PRKAR1B: variants seen among roughly 807,000 people sequenced by gnomAD.
The protein encoded by PRKAR1B is cAMP-dependent protein kinase type I-beta regulatory subunit.
A neutral mutation model predicts 46.5 loss-of-function variants in PRKAR1B; 22 were observed. That is an observed-to-expected ratio of 0.47 (90% confidence interval 0.34 to 0.68). PRKAR1B has a LOEUF of 0.68. Ranked by LOEUF, PRKAR1B falls within the 30% of genes least tolerant of loss-of-function variation. The pLI is 0.01. For synonymous variants in PRKAR1B, 259 were observed against 217.7 expected, an observed-to-expected ratio of 1.19 and a Z score of -1.67; for missense variants, 445 against 535.6, an observed-to-expected ratio of 0.83 and a Z score of 1.67.
intron 4 of PRKAR1B, among the ~76,000 whole-genome samples, chr7:674,584 C>G (rs535846496): frequency 6.6e-6 from 1 of 152,132 alleles, no homozygotes; most frequent in Non-Finnish European, 1.5e-5. Flanking sequence ...CATCTAGCTA[C>G]TCCATCCATG....
chr7:573,624 C>A (rs1193184762), intron 9 of PRKAR1B, among the ~76,000 whole-genome samples: 3 of 152,240 alleles, frequency 2.0e-5, no homozygotes, highest in African/African-American at 7.2e-5. Context: ...CGAAAATCAG[C>A]CGTAACGGCC....
intron 9 of PRKAR1B, among the ~76,000 whole-genome samples, chr7:553,088 C>T (rs1436721861): frequency 1.3e-5 from 2 of 152,092 alleles, no homozygotes; most frequent in Admixed American, 6.5e-5. Flanking sequence ...GTGTGGAAAC[C>T]GCGGCCTGGC....
At chr7:604,956 C>CA (rs1182920991) in intron 6 of PRKAR1B, among the ~76,000 whole-genome samples, 2 of 152,104 alleles carry the variant, frequency 1.3e-5, no homozygotes, top group Non-Finnish European at 2.9e-5. Context: ...GCAGAATCCC[C>CA]AAAGCGTCCT....
At chr7:672,969 CG>C (rs891545458) in intron 4 of PRKAR1B, among the ~76,000 whole-genome samples, 1 of 143,618 alleles carries the variant, frequency 7.0e-6, no homozygotes, top group African/African-American at 2.6e-5. Flanking sequence ...CACTTGAGCA[CG>C]GAAGGCCGAG....
rs74733763 is a variant in PRKAR1B, at chr7:639,215, C to A, written c.441-31763G>T. On this transcript the variant is annotated intron_variant, in intron 4 of 10. Transcript: ENST00000537384. ...GATCTGAAAACCTACTACAAAACCA[C>A]TGTAATCAAGACGGTGGTGGTATTA... Among the ~76,000 whole-genome samples, 68 of 152,318 alleles carry A rather than the reference C, an allele frequency of 4.5e-4. 1 individual carries two copies. The highest frequency in any genetic ancestry group is 1.6e-3 in the African/African-American group (68 of 41,562).
At position 714,643 on chromosome 7, in the gene PRKAR1B, G is replaced by C. The variant is rs745408835; in HGVS notation, c.-22-3116C>G. ...ACTGGCTCTGGTAGGAGTGCGAGGC[G>C]TGGCCCCCACCGCCCCAACCTGCAG... is the stretch of plus-strand genomic sequence containing the variant. On this transcript the variant is annotated intron_variant, in intron 1 of 10. Coordinates refer to ENST00000537384, the MANE Select transcript of PRKAR1B (RefSeq NM_001164760.2). The surrounding 1 kb of genome is among the most constrained non-coding windows in gnomAD (Gnocchi z 4.3). 1.3e-5 allele frequency among the ~76,000 whole-genome samples: 2 copies of C among 152,176 alleles called. No individual in the cohort carries two copies. The highest frequency in any genetic ancestry group is 2.4e-5 in the African/African-American group (1 of 41,444).
rs543557905 is a variant in PRKAR1B, at chr7:714,940, C to T, written c.-22-3413G>A. The stretch of plus-strand genomic sequence containing the variant: ...GTGGTTCACACCTGTAATCCCAGCA[C>T]TTTGGGAGGCCGAGGCAGGTGGGTC... On this transcript the variant is annotated intron_variant, in intron 1 of 10. Transcript: ENST00000537384. The surrounding 1 kb of genome is among the most constrained non-coding windows in gnomAD (Gnocchi z 4.3). Among the ~76,000 whole-genome samples, 80 of 152,286 alleles carry T rather than the reference C, an allele frequency of 5.3e-4. No homozygotes were observed. Among genetic ancestry groups the T allele is most frequent in the African/African-American group, 1.9e-3 (79 of 41,562 alleles).
rs541775916 is a variant in PRKAR1B at position 711,676 on chromosome 7, G to T, written c.-22-149C>A. 5.1e-6 allele frequency: 4 copies of T among 780,962 alleles called. No individual in the cohort carries two copies. The African/African-American group carries it at 7.0e-5, about 14-fold the overall frequency. The allele number at this position is 780,962 out of a possible 1,614,324, so 48.4% of individuals were successfully genotyped here. ...TGTCAAAGATCTTTCATTCTGTGGG[G>T]CCAGGTGAGGTGTTAAACGTGACGG... On this transcript the variant is annotated intron_variant, in intron 1 of 10. Coordinates refer to ENST00000537384, the MANE Select transcript of PRKAR1B (RefSeq NM_001164760.2).
rs553436573 is a variant in PRKAR1B at position 602,374 on chromosome 7, C to T, written c.549+3819G>A. ...GGTCGAGGGGTGGGTGGGGATTCTG[C>T]GAGGATGAGGAGGAGGAGGAGGAGG... is the stretch of plus-strand genomic sequence containing the variant. On this transcript the variant is annotated intron_variant, in intron 6 of 10. Coordinates refer to ENST00000537384, the MANE Select transcript of PRKAR1B (RefSeq NM_001164760.2). This position sits in a 1 kb window ranked among gnomAD's most constrained non-coding sequence, Gnocchi z 6.4. Among the ~76,000 whole-genome samples, 21 of 152,176 alleles carry T rather than the reference C, an allele frequency of 1.4e-4. No individual in the cohort carries two copies. Among genetic ancestry groups the T allele is most frequent in the African/African-American group, 4.8e-4 (20 of 41,532 alleles).
chr7:649,726 T>G (rs1050985863), intron 4 of PRKAR1B, among the ~76,000 whole-genome samples: 1 of 141,976 alleles, frequency 7.0e-6, no homozygotes, highest in Non-Finnish European at 1.5e-5. Context: ...CCACCAGGCC[T>G]GGCTAATTTT....
chr7:707,865 T>A (rs994152943), intron 2 of PRKAR1B, among the ~76,000 whole-genome samples: 6 of 149,980 alleles, frequency 4.0e-5, no homozygotes, highest in African/African-American at 1.5e-4. Flanking sequence ...CACCTTGGTC[T>A]CAGACTTCCA....
intron 4 of PRKAR1B, among the ~76,000 whole-genome samples, chr7:647,805 C>CA (rs769761277): frequency 0.046 from 825 of 17,802 alleles, 59 homozygotes; most frequent in African/African-American, 0.061. Flanking sequence ...ACTTCGTCTC[C>CA]AAAAAAAAAA....
intron 4 of PRKAR1B, among the ~76,000 whole-genome samples, chr7:614,843 CGGAGG>C (rs1233828845): frequency 1.2e-3 from 177 of 151,918 alleles, no homozygotes; most frequent in African/African-American, 4.0e-3. Context: ...ACCTGGGAGG[CGGAGG>C]TTACCATGAG....
intron 2 of PRKAR1B, among the ~76,000 whole-genome samples, chr7:698,346 G>A (rs1779881006): frequency 1.3e-5 from 2 of 152,176 alleles, no homozygotes; most frequent in African/African-American, 4.8e-5. Context: ...ACACAGGAGG[G>A]TGTGAGCACA....
intron 9 of PRKAR1B, among the ~76,000 whole-genome samples, chr7:577,941 T>G (rs1779952709): frequency 6.6e-6 from 1 of 152,230 alleles, no homozygotes; most frequent in South Asian, 2.1e-4. Flanking sequence ...ATACCCACTT[T>G]AAATTATGTG....
At chr7:624,897 C>T (rs1326899827) in intron 4 of PRKAR1B, among the ~76,000 whole-genome samples, 1 of 152,146 alleles carries the variant, frequency 6.6e-6, no homozygotes, top group Non-Finnish European at 1.5e-5. Flanking sequence ...AACTGAATGG[C>T]ACCATCAGTT....
At chr7:665,959 A>G (rs1785896611) in intron 4 of PRKAR1B, among the ~76,000 whole-genome samples, 1 of 152,206 alleles carries the variant, frequency 6.6e-6, no homozygotes, top group Admixed American at 6.5e-5. Context: ...TTTTAATTAA[A>G]GCAGCAGAGA....
At chr7:701,046 G>A (rs1216509985) in intron 2 of PRKAR1B, among the ~76,000 whole-genome samples, 1 of 151,992 alleles carries the variant, frequency 6.6e-6, no homozygotes, top group Non-Finnish European at 1.5e-5. Context: ...AAATTAGCTG[G>A]GCATGGTGGT....
At chr7:704,710 A>C (rs983616128) in intron 2 of PRKAR1B, among the ~76,000 whole-genome samples, 2 of 152,066 alleles carry the variant, frequency 1.3e-5, no homozygotes, top group Admixed American at 1.3e-4. Flanking sequence ...GGCGGGTTGC[A>C]GTGAGCTAAG....
Sources: allele counts gnomAD v4.1 joint callset (sites outside exome capture counted in the v4.1 genomes callset), GRCh38; gene constraint gnomAD v4.1.1; non-coding constraint Gnocchi (gnomAD v3.1); transcripts MANE v1.5; gene names NCBI Gene and HGNC (gene_info 2026-07-23, HGNC 2026-07-21).